Variants in GPATCH2 observed in about 807,000 individuals in gnomAD.
GPATCH2 encodes the protein G-patch domain containing 2.
GPATCH2 carries 51 observed loss-of-function variants against 58.0 expected under a neutral mutation model. The observed-to-expected ratio is 0.88, with a 90% CI of 0.70 to 1.11. The LOEUF (loss-of-function observed/expected upper bound fraction) is 1.11, where lower values mean the gene tolerates loss of function less well. GPATCH2 is among the 50% of genes most tolerant of loss of function. The pLI is 0.00. For missense variants in GPATCH2, 625 were observed against 652.2 expected (o/e 0.96, Z 0.45); for synonymous variants, 222 against 218.5 (o/e 1.02, Z -0.14).
At chr1:217,602,523 A>T (rs1269979384) in intron 5 of GPATCH2, among the ~76,000 whole-genome samples, 1 of 152,202 alleles carries the variant, frequency 6.6e-6, no homozygotes, top group Non-Finnish European at 1.5e-5. Flanking sequence ...ATATAATCAC[A>T]GCTGAACTAA....
intron 8 of GPATCH2, among the ~76,000 whole-genome samples, chr1:217,456,684 C>G (rs184563742): frequency 6.6e-6 from 1 of 152,118 alleles, no homozygotes; most frequent in South Asian, 2.1e-4. Context: ...TTATCTGATT[C>G]TGAATGATTA....
chr1:217,562,567 A>C (rs1428978321), intron 5 of GPATCH2, among the ~76,000 whole-genome samples: 1 of 152,222 alleles, frequency 6.6e-6, no homozygotes, highest in Non-Finnish European at 1.5e-5. Flanking sequence ...CAATGAACCT[A>C]GAGTGAAAAG....
chr1:217,438,662 T>G (rs1468561096), intron 9 of GPATCH2, among the ~76,000 whole-genome samples: 2 of 151,862 alleles, frequency 1.3e-5, no homozygotes, highest in African/African-American at 4.8e-5. Flanking sequence ...AAGACAAGAT[T>G]AGAGAAAAAA....
At chr1:217,441,054 C>T (rs1478532004) in intron 9 of GPATCH2, among the ~76,000 whole-genome samples, 2 of 152,270 alleles carry the variant, frequency 1.3e-5, no homozygotes, top group East Asian at 3.9e-4. Flanking sequence ...CCAAGACAAT[C>T]CTAAGCAAAA....
At chr1:217,592,107 T>C (rs12045640) in intron 5 of GPATCH2, among the ~76,000 whole-genome samples, 103,240 of 151,794 alleles carry the variant, frequency 0.68, 35,789 homozygotes, top group East Asian at 0.92. Context: ...AGAAAATGTA[T>C]CTTTTCCTTG....
intron 5 of GPATCH2, among the ~76,000 whole-genome samples, chr1:217,563,803 G>C (rs1478119287): frequency 6.6e-6 from 1 of 152,108 alleles, no homozygotes; most frequent in Non-Finnish European, 1.5e-5. Flanking sequence ...CCAGCACTTT[G>C]GGTAGCCAAG....
chr1:217,452,065 C>T (rs1386287922), intron 8 of GPATCH2, among the ~76,000 whole-genome samples: 1 of 152,114 alleles, frequency 6.6e-6, no homozygotes, highest in Non-Finnish European at 1.5e-5. Flanking sequence ...CCATACATGC[C>T]ACCTTTGTCC....
intron 5 of GPATCH2, among the ~76,000 whole-genome samples, chr1:217,538,591 C>T (rs1005306188): frequency 3.3e-5 from 5 of 152,164 alleles, no homozygotes; most frequent in African/African-American, 1.2e-4. Context: ...CTACTGTAAT[C>T]GTTTCCAGTC....
intron 5 of GPATCH2, among the ~76,000 whole-genome samples, chr1:217,563,490 C>A (rs1666032841): frequency 1.3e-5 from 2 of 151,934 alleles, no homozygotes; most frequent in African/African-American, 2.4e-5. Context: ...GAGTTCAGTC[C>A]TATATATCCA....
chr1:217,525,297 G>A (rs1172611009), intron 5 of GPATCH2, among the ~76,000 whole-genome samples: 2 of 151,996 alleles, frequency 1.3e-5, no homozygotes, highest in Admixed American at 6.6e-5. Context: ...AGACACCACT[G>A]GGATATGACA....
At chr1:217,561,449 A>G (rs1665920382) in intron 5 of GPATCH2, among the ~76,000 whole-genome samples, 1 of 152,224 alleles carries the variant, frequency 6.6e-6, no homozygotes, top group African/African-American at 2.4e-5. Context: ...GAGAAGATGT[A>G]TGATGACGTT....
rs147998905 is a variant in GPATCH2, at chr1:217,439,837, G to C, written c.1367-8472C>G. On this transcript the variant is annotated intron_variant, in intron 9 of 9. Transcript: ENST00000366935. ...CAGGAAGAAGTCGAATCCCTGAATA[G>C]ACTAATAACAAGTTCTGACATTGAG... 3.2e-4 allele frequency among the ~76,000 whole-genome samples: 48 copies of C among 152,304 alleles called. 1 individual carries two copies. In the East Asian group the frequency reaches 8.3e-3, roughly 26 times the overall value.
chr1:217,444,483 T>G (rs1204823166), intron 9 of GPATCH2, among the ~76,000 whole-genome samples: 3 of 152,242 alleles, frequency 2.0e-5, no homozygotes, highest in African/African-American at 7.2e-5. Flanking sequence ...TTCGGTAGTT[T>G]AAGTGTTTTC....
chr1:217,545,996 G>A (rs907294179), intron 5 of GPATCH2, among the ~76,000 whole-genome samples: 2 of 152,102 alleles, frequency 1.3e-5, no homozygotes, highest in Non-Finnish European at 1.5e-5. Context: ...CAACTACTAT[G>A]TTCTTACCTG....
At chr1:217,618,816 C>T (rs61828865) in intron 2 of GPATCH2, among the ~76,000 whole-genome samples, 20,912 of 151,624 alleles carry the variant, frequency 0.14, 1,604 homozygotes, top group Non-Finnish European at 0.18. Flanking sequence ...AAAAAAAATT[C>T]GCCAGGCATG....
At position 217,630,193 on chromosome 1, in the gene GPATCH2, C is replaced by A. The variant is rs1044948315; in HGVS notation, c.56+723G>T. Among the ~76,000 whole-genome samples the A allele has an allele frequency of 6.6e-5, 10 of 152,274 alleles. 1 individual carries two copies. Among genetic ancestry groups the A allele is most frequent in the African/African-American group, 2.4e-4 (10 of 41,550 alleles). On this transcript the variant is annotated intron_variant, in intron 1 of 9. Coordinates refer to ENST00000366935, the MANE Select transcript of GPATCH2 (RefSeq NM_018040.5). ...ATTCTAGCTCTAGGATTAAAATGTA[C>A]AGGGCAACTTTGGACACGGTACTTG...
At chr1:217,502,173 T>C (rs1662340713) in intron 6 of GPATCH2, among the ~76,000 whole-genome samples, 1 of 152,112 alleles carries the variant, frequency 6.6e-6, no homozygotes, top group African/African-American at 2.4e-5. Context: ...AACTTTGTTC[T>C]TTTTAAAAAA....
At chr1:217,599,009 A>G (rs1667988940) in intron 5 of GPATCH2, among the ~76,000 whole-genome samples, 1 of 152,234 alleles carries the variant, frequency 6.6e-6, no homozygotes, top group African/African-American at 2.4e-5. Context: ...AAAAAGGTAC[A>G]GAATTGAACT....
chr1:217,504,909 G>A (rs138040573), intron 6 of GPATCH2, among the ~76,000 whole-genome samples: 1 of 152,170 alleles, frequency 6.6e-6, no homozygotes, highest in Non-Finnish European at 1.5e-5. Context: ...AACACAGGAA[G>A]TAGCATCCTT....
Sources: allele counts gnomAD v4.1 joint callset (sites outside exome capture counted in the v4.1 genomes callset), GRCh38; gene constraint gnomAD v4.1.1; transcripts MANE v1.5; gene names NCBI Gene and HGNC (gene_info 2026-07-23, HGNC 2026-07-21).